The following EDARADD variants were observed in gnomAD, a reference collection of about 807,000 sequenced individuals.
EDARADD encodes the protein ectodysplasin-A receptor-associated adapter protein.
EDARADD carries 20 observed loss-of-function variants against 25.6 expected under a neutral mutation model. The ratio of observed to expected loss-of-function variants is 0.78; its 90% confidence interval spans 0.55 to 1.14. The LOEUF (loss-of-function observed/expected upper bound fraction) is 1.14. Ranked by LOEUF, EDARADD falls within the 50% of genes most tolerant of loss-of-function variation. The pLI, the probability that EDARADD is intolerant of heterozygous loss-of-function variation, is 0.00. For synonymous variants in EDARADD, 86 were observed against 94.4 expected, an observed-to-expected ratio of 0.91 and a Z score of 0.52; for missense variants, 225 against 270.1, an observed-to-expected ratio of 0.83 and a Z score of 1.17.
chr1:236,409,119 T>C lies in EDARADD; in HGVS notation c.62-97T>C, dbSNP rs866227065. 8 of 712,350 alleles carry C rather than the reference T, an allele frequency of 1.1e-5. No individual in the cohort carries two copies. The Middle Eastern group carries it at 1.1e-3, about 96-fold the overall frequency. 44.1% of individuals were successfully genotyped at this position (712,350 alleles called of 1,614,324 possible). A position where few individuals can be genotyped will look rare whatever the true frequency, so the allele number is the denominator to read the frequency against. On this transcript the variant is annotated intron_variant, in intron 1 of 5. Coordinates refer to ENST00000334232, the MANE Select transcript of EDARADD (RefSeq NM_145861.4). ...AGGTTTTCTTCAGCCTAAGTAAAAT[T>C]ACTTGCCTCTGTATAGAGACAGTTA...
chr1:236,465,321 C>T (rs903287832), intron 4 of EDARADD, among the ~76,000 whole-genome samples: 1 of 152,200 alleles, frequency 6.6e-6, no homozygotes, highest in Non-Finnish European at 1.5e-5. Flanking sequence ...TCCGGAATGA[C>T]GTCCAGCTCC....
At chr1:236,416,091 A>G (rs754248476) in intron 3 of EDARADD, among the ~76,000 whole-genome samples, 3 of 152,180 alleles carry the variant, frequency 2.0e-5, no homozygotes, top group Non-Finnish European at 2.9e-5. Context: ...TGACACCATT[A>G]GAGTGTCCTT....
chr1:236,425,581 T>C (rs1252458894), intron 3 of EDARADD, among the ~76,000 whole-genome samples: 2 of 152,198 alleles, frequency 1.3e-5, no homozygotes, highest in Non-Finnish European at 2.9e-5. Context: ...GCTAGTTGTA[T>C]TGCTAAGAGA....
At chr1:236,479,030 G>T (rs559365949) in intron 5 of EDARADD, among the ~76,000 whole-genome samples, 91 of 152,254 alleles carry the variant, frequency 6.0e-4, no homozygotes, top group South Asian at 4.4e-3. Context: ...AGGTGGGAAG[G>T]GGGTGAAGGA....
chr1:236,443,271 C>A (rs945707314), intron 4 of EDARADD, among the ~76,000 whole-genome samples: 21 of 152,132 alleles, frequency 1.4e-4, no homozygotes, highest in Non-Finnish European at 2.5e-4. Flanking sequence ...TAATACAGCA[C>A]CCCATGGACC....
At chr1:236,467,424 GCGCACACACACACA>G (rs1200991145) in intron 4 of EDARADD, among the ~76,000 whole-genome samples, 1 of 120,800 alleles carries the variant, frequency 8.3e-6, no homozygotes, top group Admixed American at 8.5e-5. Flanking sequence ...GCACACACAC[GCGCACACACACACA>G]CACACACACA....
chr1:236,366,486 G>T (rs1667113126), intron 3 of EDARADD, among the ~76,000 whole-genome samples: 1 of 152,152 alleles, frequency 6.6e-6, no homozygotes, highest in Admixed American at 6.5e-5. Context: ...CCTTGGCCTT[G>T]TGTAGATTCT....
intron 4 of EDARADD, among the ~76,000 whole-genome samples, chr1:236,429,373 C>CTTTA (rs529468486): frequency 2.0e-5 from 3 of 150,128 alleles, no homozygotes; most frequent in South Asian, 2.1e-4. Flanking sequence ...TGCCCGGCTA[C>CTTTA]TTTATTTATT....
At chr1:236,353,168 G>A (rs1469720826) in intron 3 of EDARADD, among the ~76,000 whole-genome samples, 2 of 152,168 alleles carry the variant, frequency 1.3e-5, no homozygotes, top group African/African-American at 4.8e-5. Context: ...CACAGGCCAG[G>A]GTTGTTACCT....
intron 5 of EDARADD, among the ~76,000 whole-genome samples, chr1:236,481,981 C>T (rs567465557): frequency 4.3e-4 from 64 of 149,640 alleles, no homozygotes; most frequent in Non-Finnish European, 7.9e-4. Context: ...GGTGCAGTGG[C>T]GGGTGCCTAT....
intron 3 of EDARADD, among the ~76,000 whole-genome samples, chr1:236,416,293 C>A (rs1358411304): frequency 1.3e-5 from 2 of 152,158 alleles, no homozygotes; most frequent in Non-Finnish European, 2.9e-5. Flanking sequence ...GCAGGGAAAT[C>A]CAGCCGAAGA....
intron 3 of EDARADD, among the ~76,000 whole-genome samples, chr1:236,384,946 G>A (rs1667335199): frequency 6.6e-6 from 1 of 151,812 alleles, no homozygotes; most frequent in Non-Finnish European, 1.5e-5. Context: ...ACTCACCTTT[G>A]TTATATAGCA....
In EDARADD at chr1:236,483,123, C is replaced by T. The variant is rs1268636361; in HGVS notation, c.*474C>T. 1 of 1,347,004 alleles carries T rather than the reference C, an allele frequency of 7.4e-7. No homozygotes were observed. The highest frequency in any genetic ancestry group is 2.3e-5 in the East Asian group (1 of 43,366). The allele number at this position is 1,347,004 out of a possible 1,614,324, so 83.4% of individuals were successfully genotyped here. On this transcript the variant is annotated 3_prime_UTR_variant, in exon 6 of 6. Transcript: ENST00000334232. Reference sequence around the variant, plus strand: ...ACCTGAGTGTCTGCAGCACCCTCCACTTCTCTCCTAGGCAATGAGACCCAG... The same window carrying T: ...ACCTGAGTGTCTGCAGCACCCTCCATTTCTCTCCTAGGCAATGAGACCCAG...
chr1:236,393,607 G>A (rs1667461993), upstream of EDARADD, among the ~76,000 whole-genome samples: 1 of 151,914 alleles, frequency 6.6e-6, no homozygotes. Context: ...ACATTGGCCA[G>A]GCTGGCCTCG....
chr1:236,394,634 T>C, intron 1 of EDARADD, 129 bp downstream of exon 1: 1 of 695,536 alleles, frequency 1.4e-6, no homozygotes, highest in Non-Finnish European at 2.3e-6. Flanking sequence ...ACCCGACTTT[T>C]ATCTTTCTGT....
chr1:236,349,356 A>C (rs1291311527), intron 2 of EDARADD, among the ~76,000 whole-genome samples: 3 of 152,204 alleles, frequency 2.0e-5, no homozygotes, highest in African/African-American at 4.8e-5. Flanking sequence ...AAAATATTTT[A>C]AGAGATTTAT....
At chr1:236,356,099 AT>A (rs1326619249) in intron 3 of EDARADD, among the ~76,000 whole-genome samples, 2 of 152,160 alleles carry the variant, frequency 1.3e-5, no homozygotes, top group African/African-American at 2.4e-5. Context: ...ATTTGGGAAG[AT>A]TGCTTGACAG....
chr1:236,458,635 CTTTTTCTTTTTTTT>C (rs1187392399), intron 4 of EDARADD, among the ~76,000 whole-genome samples: 32 of 132,570 alleles, frequency 2.4e-4, no homozygotes, highest in African/African-American at 7.7e-4. Context: ...GGTATTTTTT[CTTTTTCTTTTTTTT>C]TTTTTTTTTT....
At chr1:236,439,926 C>T (rs1049534333) in intron 4 of EDARADD, among the ~76,000 whole-genome samples, 1 of 152,074 alleles carries the variant, frequency 6.6e-6, no homozygotes, top group Non-Finnish European at 1.5e-5. Context: ...TTGTCATGCC[C>T]AAGGTTAACT....
Sources: gnomAD v4.1 joint callset for allele counts (sites outside exome capture counted in the v4.1 genomes callset) on GRCh38, gnomAD v4.1.1 for gene constraint, MANE v1.5 for transcripts, NCBI Gene and HGNC (gene_info 2026-07-23, HGNC 2026-07-21) for gene names.